The following CCDC66 variants were observed in gnomAD, a reference collection of about 807,000 sequenced individuals.
The protein encoded by CCDC66 is coiled-coil domain-containing protein 66.
CCDC66 carries 133 observed loss-of-function variants against 128.3 expected under a neutral mutation model. The observed-to-expected ratio is 1.04, with a 90% CI of 0.90 to 1.20. CCDC66 has a LOEUF of 1.20. Ranked by LOEUF, CCDC66 falls within the 50% of genes most tolerant of loss-of-function variation. The probability of loss-of-function intolerance (pLI) is 0.00; values close to 1 mark genes in which losing one functional copy is unlikely to be tolerated. For synonymous variants in CCDC66, 387 were observed against 357.0 expected, an observed-to-expected ratio of 1.08 and a Z score of -0.95; for missense variants, 1,126 against 1,075.5, an observed-to-expected ratio of 1.05 and a Z score of -0.66.
At chr3:56,576,624 T>TTA (rs1247375866) in intron 7 of CCDC66, among the ~76,000 whole-genome samples, 1 of 144,652 alleles carries the variant, frequency 6.9e-6, no homozygotes, top group African/African-American at 2.5e-5. Flanking sequence ...TTCTCATTGT[T>TTA]TAGTTCCCAC....
chr3:56,561,870 A>G (rs927747806), intron 3 of CCDC66, among the ~76,000 whole-genome samples: 7 of 152,234 alleles, frequency 4.6e-5, no homozygotes, highest in African/African-American at 1.7e-4. Context: ...GAGTTACTAC[A>G]ACACCTACAG....
At chr3:56,614,384 T>C (rs1242435026) in intron 11 of CCDC66, among the ~76,000 whole-genome samples, 1 of 152,184 alleles carries the variant, frequency 6.6e-6, no homozygotes, top group Non-Finnish European at 1.5e-5. Context: ...TTATTCTAGG[T>C]ATGTTAAGAG....
At chr3:56,558,169 C>T (rs2064610880) in intron 1 of CCDC66, among the ~76,000 whole-genome samples, 1 of 152,144 alleles carries the variant, frequency 6.6e-6, no homozygotes, top group Non-Finnish European at 1.5e-5. Context: ...CTCTCTCTCC[C>T]TTGACTGGCT....
intron 7 of CCDC66, among the ~76,000 whole-genome samples, chr3:56,583,636 C>T (rs1228369063): frequency 1.3e-5 from 2 of 151,924 alleles, no homozygotes; most frequent in African/African-American, 4.8e-5. Flanking sequence ...AGATCAACAG[C>T]ATCCCAAGGC....
intron 7 of CCDC66, among the ~76,000 whole-genome samples, chr3:56,579,388 G>T (rs1577436017): frequency 1.3e-5 from 2 of 151,642 alleles, no homozygotes; most frequent in Admixed American, 1.3e-4. Context: ...TTTTTGAAGG[G>T]TTTTTTGTGT....
chr3:56,568,188 C>T (rs2066146477), intron 6 of CCDC66, among the ~76,000 whole-genome samples: 1 of 152,200 alleles, frequency 6.6e-6, no homozygotes, highest in Non-Finnish European at 1.5e-5. Context: ...CCACAAAAGA[C>T]AGCTTTGCAA....
intron 7 of CCDC66, among the ~76,000 whole-genome samples, chr3:56,571,658 A>G (rs1371489768): frequency 2.0e-5 from 3 of 152,146 alleles, no homozygotes; most frequent in Non-Finnish European, 4.4e-5. Flanking sequence ...GATTACAGGC[A>G]TGAGCCACCG....
Position 56,566,580 on chromosome 3 carries a change from A to G in CCDC66, c.545-14A>G, listed in dbSNP as rs78488477. 5.7e-3 allele frequency: 8,634 copies of G among 1,509,188 alleles called. 30 individuals carry two copies. Among genetic ancestry groups the G allele is most frequent in the Non-Finnish European group, 7.3e-3 (7,951 of 1,090,216 alleles). 93.5% of individuals were successfully genotyped at this position (1,509,188 alleles called of 1,614,324 possible). On this transcript the variant is annotated splice_polypyrimidine_tract_variant and intron_variant, in intron 4 of 17. Coordinates refer to ENST00000394672, the MANE Select transcript of CCDC66 (RefSeq NM_001141947.3). ...ATTTAGTGTTAATTTTAAAACATGT[A>G]TTTTACCTCCTAGGTCAATATAGTC...
intron 4 of CCDC66, among the ~76,000 whole-genome samples, chr3:56,565,874 G>A (rs185745227): frequency 4.6e-5 from 7 of 152,080 alleles, no homozygotes; most frequent in East Asian, 1.9e-4. Flanking sequence ...CACCGTGTTC[G>A]CCAGGATGGT....
In CCDC66 at chr3:56,593,643, T is replaced by C. The variant is rs764136587; in HGVS notation, c.1221T>C (p.Val407=). Residue 407 remains valine, a synonymous_variant, in exon 9 of 18, where the codon GTT becomes GTC. Transcript: ENST00000394672. ...DTQELADVSS[V]CTPTTGSQVE... Reference sequence around the variant, plus strand: ...AGGAGCTGGCTGATGTCAGCAGTGTTTGTACACCTACAACCGGAAGCCAGG... The same window carrying C: ...AGGAGCTGGCTGATGTCAGCAGTGTCTGTACACCTACAACCGGAAGCCAGG... 6.2e-7 allele frequency: 1 copy of C among 1,614,212 alleles called. No individual in the cohort carries two copies. Among genetic ancestry groups the C allele is most frequent in the East Asian group, 2.2e-5 (1 of 44,876 alleles).
rs1185904275 is a variant in CCDC66 at position 56,617,814 on chromosome 3, T to C, written c.2337+209T>C. The C allele has an allele frequency of 3.9e-5, 24 of 612,136 alleles. 1 individual carries two copies. The highest frequency in any genetic ancestry group is 6.7e-5 in the Non-Finnish European group (24 of 359,350). The allele number at this position is 612,136 out of a possible 1,614,324, so 37.9% of individuals were successfully genotyped here. A position where few individuals can be genotyped will look rare whatever the true frequency, so the allele number is the denominator to read the frequency against. On this transcript the variant is annotated intron_variant, in intron 14 of 17. Transcript: ENST00000394672. ...AACTCATTCTTTTATGAATTGTCTG[T>C]GGCTGACTTCACACACCAGACTAGC...
At chr3:56,586,250 C>T (rs1309823506) in intron 7 of CCDC66, among the ~76,000 whole-genome samples, 1 of 151,854 alleles carries the variant, frequency 6.6e-6, no homozygotes, top group Admixed American at 6.6e-5. Context: ...AGTAACCGGC[C>T]AGGCGTGGTG....
intron 4 of CCDC66, among the ~76,000 whole-genome samples, chr3:56,564,981 A>C (rs539190047): frequency 6.6e-6 from 1 of 152,376 alleles, no homozygotes; most frequent in African/African-American, 2.4e-5. Context: ...ACGAGAAATC[A>C]TATCAACAAA....
At chr3:56,564,304 T>G (rs1199348961) in intron 4 of CCDC66, 179 bp downstream of exon 4, 2 of 547,098 alleles carry the variant, frequency 3.7e-6, no homozygotes, top group African/African-American at 3.8e-5. Flanking sequence ...TTTATAGTTG[T>G]GCCATATTTT....
chr3:56,573,836 C>T (rs1228917781), intron 7 of CCDC66, among the ~76,000 whole-genome samples: 1 of 4,262 alleles, frequency 2.3e-4, no homozygotes, highest in African/African-American at 2.7e-4. Flanking sequence ...GGTCCTTGGC[C>T]AAGAGATCCA....
rs1478354196 is a variant in CCDC66 at position 56,617,608 on chromosome 3, A to G, written c.2337+3A>G. 12 of 1,589,282 alleles carry G rather than the reference A, an allele frequency of 7.6e-6. No homozygotes were observed. The highest frequency in any genetic ancestry group is 1.0e-5 in the Non-Finnish European group (12 of 1,172,314). On this transcript the variant is annotated splice_donor_region_variant and intron_variant, in intron 14 of 17. Transcript: ENST00000394672. The stretch of plus-strand genomic sequence containing the variant: ...TGAGGTGGCATCTAGTCAAAAAGGT[A>G]AAGCTCTTCCATCTTAGATGATGTG...
At chr3:56,568,373 T>C (rs1036043907) in intron 6 of CCDC66, among the ~76,000 whole-genome samples, 29 of 152,344 alleles carry the variant, frequency 1.9e-4, no homozygotes, top group Non-Finnish European at 1.0e-4. Flanking sequence ...CAGATGCTCA[T>C]GTGGAATCCA....
At chr3:56,604,666 G>T (rs1277825919) in intron 10 of CCDC66, among the ~76,000 whole-genome samples, 1 of 151,800 alleles carries the variant, frequency 6.6e-6, no homozygotes, top group East Asian at 1.9e-4. Context: ...AGTCTGATGG[G>T]CTTCCCTTTG....
At chr3:56,568,865 T>A (rs980268445) in intron 6 of CCDC66, among the ~76,000 whole-genome samples, 34 of 152,230 alleles carry the variant, frequency 2.2e-4, no homozygotes, top group Admixed American at 1.6e-3. Context: ...CTAAGAAATA[T>A]CCATTACTTC....
Sources: gnomAD v4.1 joint callset for allele counts (sites outside exome capture counted in the v4.1 genomes callset) on GRCh38, gnomAD v4.1.1 for gene constraint, MANE v1.5 for transcripts, NCBI Gene and HGNC (gene_info 2026-07-23, HGNC 2026-07-21) for gene names.